The following CAPN2 variants were observed in gnomAD, a reference collection of about 807,000 sequenced individuals.
The protein encoded by CAPN2 is calpain-2 catalytic subunit.
In CAPN2, 92 loss-of-function variants were observed where a neutral mutation model predicts 102.3. The observed-to-expected ratio is 0.90, with a 90% CI of 0.76 to 1.07. The LOEUF (loss-of-function observed/expected upper bound fraction) is 1.07, where lower values mean the gene tolerates loss of function less well. Ranked by LOEUF, CAPN2 falls within the 50% of genes least tolerant of loss-of-function variation. The pLI is 0.00. For synonymous variants in CAPN2, 340 were observed against 355.4 expected, an observed-to-expected ratio of 0.96 and a Z score of 0.49; for missense variants, 800 against 909.4, an observed-to-expected ratio of 0.88 and a Z score of 1.55.
At chr1:223,702,782 T>C (rs1362588179) in intron 1 of CAPN2, among the ~76,000 whole-genome samples, 17 of 151,922 alleles carry the variant, frequency 1.1e-4, no homozygotes, top group Admixed American at 1.1e-3. Context: ...GTTATTGACC[T>C]AGGTAGATTT....
intron 16 of CAPN2, among the ~76,000 whole-genome samples, 182 bp downstream of exon 16, chr1:223,766,613 T>G (rs1375340755): frequency 1.3e-5 from 2 of 152,120 alleles, no homozygotes; most frequent in Non-Finnish European, 1.5e-5. Flanking sequence ...AACCCTCTGA[T>G]GAGGGAAAGC....
At chr1:223,737,498 A>C (rs1032897475) in intron 2 of CAPN2, among the ~76,000 whole-genome samples, 4 of 152,152 alleles carry the variant, frequency 2.6e-5, no homozygotes, top group African/African-American at 9.7e-5. Context: ...GGATGAGCAG[A>C]GTCCCCTGGG....
intron 1 of CAPN2, among the ~76,000 whole-genome samples, chr1:223,706,867 G>T (rs542885511): frequency 1.3e-5 from 2 of 152,098 alleles, no homozygotes; most frequent in Non-Finnish European, 2.9e-5. Flanking sequence ...ATCACCTGAG[G>T]TCAGGAGTTC....
chr1:223,761,392 A>G (rs1051889503), intron 12 of CAPN2, among the ~76,000 whole-genome samples, 189 bp from the exon 13 acceptor site: 1 of 152,188 alleles, frequency 6.6e-6, no homozygotes, highest in Non-Finnish European at 1.5e-5. Flanking sequence ...GAATGCAGAA[A>G]AATTTTTGCT....
upstream of CAPN2, among the ~76,000 whole-genome samples, chr1:223,711,680 G>C (rs930603263): frequency 1.3e-5 from 2 of 152,184 alleles, no homozygotes; most frequent in Admixed American, 1.3e-4. Flanking sequence ...GCGCGATCTC[G>C]TCTCACTGCA....
intron 2 of CAPN2, among the ~76,000 whole-genome samples, chr1:223,743,750 G>A (rs929431900): frequency 7.9e-5 from 12 of 152,192 alleles, no homozygotes; most frequent in African/African-American, 2.7e-4. Context: ...CATCTGCTGC[G>A]AATCAGGTGC....
intron 2 of CAPN2, among the ~76,000 whole-genome samples, chr1:223,734,255 C>T (rs1242004460): frequency 1.3e-5 from 2 of 152,210 alleles, no homozygotes; most frequent in Non-Finnish European, 2.9e-5. Context: ...TATCTACACC[C>T]TTCTCAGTGC....
At chr1:223,714,140 C>T (rs142942507) in intron 1 of CAPN2, among the ~76,000 whole-genome samples, 1 of 152,172 alleles carries the variant, frequency 6.6e-6, no homozygotes, top group Non-Finnish European at 1.5e-5. Flanking sequence ...GCCACCTCCC[C>T]ACCTTGTTTT....
At chr1:223,740,343 A>G (rs116976151) in intron 2 of CAPN2, among the ~76,000 whole-genome samples, 3,637 of 152,262 alleles carry the variant, frequency 0.024, 292 homozygotes, top group East Asian at 0.19. Flanking sequence ...GAAAGGGTAC[A>G]CTCACCAGGA....
chr1:223,770,479 T>G lies in CAPN2; in HGVS notation c.1857T>G (p.Ser619=), dbSNP rs759268884. Residue 619 remains serine, a synonymous_variant, in exon 18 of 21, where the codon TCT becomes TCG. Transcript: ENST00000295006. ...KIYREIDVDR[S]GTMNSYEMRK... ...ACCGAGAAATCGACGTTGACAGGTC[T>G]GGTACCATGAATTCCTATGAAATGC... 1.2e-6 allele frequency: 2 copies of G among 1,613,988 alleles called. No homozygotes were observed. The highest frequency in any genetic ancestry group is 4.5e-5 in the East Asian group (2 of 44,876).
At chr1:223,770,050 A>G in intron 17 of CAPN2, 141 bp downstream of exon 17, 1 of 758,176 alleles carries the variant, frequency 1.3e-6, no homozygotes, top group Non-Finnish European at 2.2e-6. Context: ...CAGAGTGAGT[A>G]AAGATGGGGC....
chr1:223,766,635 C>A (rs1052923074), intron 16 of CAPN2, among the ~76,000 whole-genome samples: 1 of 151,888 alleles, frequency 6.6e-6, no homozygotes, highest in South Asian at 2.1e-4. Flanking sequence ...AATGCTACAC[C>A]CCCCCTCCCA....
chr1:223,758,445 G>A (rs1029183072), intron 11 of CAPN2: 2 of 152,182 alleles, frequency 1.3e-5, no homozygotes, highest in Non-Finnish European at 2.9e-5. Flanking sequence ...TTAGAAGCTG[G>A]GTTGTCTTTC....
At chr1:223,707,302 T>C (rs12410764) in intron 1 of CAPN2, among the ~76,000 whole-genome samples, 1 of 151,912 alleles carries the variant, frequency 6.6e-6, no homozygotes, top group African/African-American at 2.4e-5. Flanking sequence ...CCCTCTCTCA[T>C]TTACTCACAA....
chr1:223,733,049 A>C (rs951569993), intron 2 of CAPN2, among the ~76,000 whole-genome samples: 12 of 152,142 alleles, frequency 7.9e-5, no homozygotes, highest in African/African-American at 2.9e-4. Context: ...CACCAAGCGC[A>C]ATTCTTCCCA....
rs1346313598 is a variant in CAPN2, at chr1:223,756,257, C to T, written c.1305+608C>T. Among the ~76,000 whole-genome samples the T allele has an allele frequency of 1.3e-5, 2 of 152,242 alleles. No individual in the cohort carries two copies. Among genetic ancestry groups the T allele is most frequent in the Non-Finnish European group, 2.9e-5 (2 of 68,048 alleles). ...CAGGCTGGGGCTGGGGCACTGAGAACTCACCCAACACGCTGGGCCCCTGGG... is the reference window on the plus strand; with the variant it reads ...CAGGCTGGGGCTGGGGCACTGAGAATTCACCCAACACGCTGGGCCCCTGGG... On this transcript the variant is annotated intron_variant, in intron 10 of 20. Coordinates refer to ENST00000295006, the MANE Select transcript of CAPN2 (RefSeq NM_001748.5). The surrounding 1 kb of genome is among the most constrained non-coding windows in gnomAD (Gnocchi z 4.1).
chr1:223,751,200 G>C (rs1029506241), intron 7 of CAPN2, among the ~76,000 whole-genome samples: 3 of 152,138 alleles, frequency 2.0e-5, no homozygotes, highest in African/African-American at 7.2e-5. Flanking sequence ...CAAGCTGCTC[G>C]TGTGAAGTTC....
intron 3 of CAPN2, among the ~76,000 whole-genome samples, chr1:223,744,697 C>A (rs144876817): frequency 3.3e-5 from 5 of 152,018 alleles, no homozygotes; most frequent in Non-Finnish European, 4.4e-5. Context: ...CCCATCTCTA[C>A]TAAAAGTACA....
intron 1 of CAPN2, among the ~76,000 whole-genome samples, chr1:223,706,174 G>A (rs556119193): frequency 6.6e-6 from 1 of 152,224 alleles, no homozygotes; most frequent in Non-Finnish European, 1.5e-5. Flanking sequence ...CTGGGCTGCT[G>A]GATTTCTTTC....
Sources: allele counts gnomAD v4.1 joint callset (sites outside exome capture counted in the v4.1 genomes callset), GRCh38; gene constraint gnomAD v4.1.1; non-coding constraint Gnocchi (gnomAD v3.1); transcripts MANE v1.5; gene names NCBI Gene and HGNC (gene_info 2026-07-23, HGNC 2026-07-21).